Variants in ZDHHC17 observed in about 807,000 individuals in gnomAD.
The protein encoded by ZDHHC17 is palmitoyltransferase ZDHHC17.
In ZDHHC17, 40 loss-of-function variants were observed where a neutral mutation model predicts 90.3. The observed-to-expected ratio is 0.44, with a 90% CI of 0.34 to 0.58. The LOEUF is 0.58. ZDHHC17 is among the 20% of genes least tolerant of loss of function. ZDHHC17 has a pLI of 0.01. For synonymous variants in ZDHHC17, 235 were observed against 252.4 expected, an observed-to-expected ratio of 0.93 and a Z score of 0.65; for missense variants, 614 against 780.8, an observed-to-expected ratio of 0.79 and a Z score of 2.55.
At chr12:76,843,682 A>C (rs916431085) in intron 12 of ZDHHC17, among the ~76,000 whole-genome samples, 10 of 152,120 alleles carry the variant, frequency 6.6e-5, no homozygotes, top group Non-Finnish European at 1.5e-5. Flanking sequence ...AAAAATATAT[A>C]TACTGCCACA....
At chr12:76,797,953 A>G (rs1021566702) in intron 2 of ZDHHC17, among the ~76,000 whole-genome samples, 8 of 151,570 alleles carry the variant, frequency 5.3e-5, no homozygotes, top group Admixed American at 1.3e-4. Context: ...ACACACACAC[A>G]CACACACACA....
At chr12:76,822,689 G>A (rs1953180280) in intron 8 of ZDHHC17, among the ~76,000 whole-genome samples, 158 bp downstream of exon 8, 1 of 151,376 alleles carries the variant, frequency 6.6e-6, no homozygotes, top group South Asian at 2.1e-4. Flanking sequence ...TGAGTAGCTG[G>A]GATTACAGGT....
intron 1 of ZDHHC17, among the ~76,000 whole-genome samples, chr12:76,766,172 C>T (rs12369907): frequency 0.011 from 1,699 of 152,254 alleles, 11 homozygotes; most frequent in Non-Finnish European, 0.017. Flanking sequence ...GGTTGCCATT[C>T]GATAGATAGG....
chr12:76,807,886 C>T (rs1952973800), intron 3 of ZDHHC17, among the ~76,000 whole-genome samples: 2 of 152,124 alleles, frequency 1.3e-5, no homozygotes, highest in Non-Finnish European at 2.9e-5. Context: ...CCTACCCATT[C>T]TCAAAGAACA....
Position 76,842,042 on chromosome 12 carries a change from A to G in ZDHHC17, c.1202A>G (p.Asn401Ser). 1.2e-6 allele frequency: 2 copies of G among 1,603,238 alleles called. No homozygotes were observed. The highest frequency in any genetic ancestry group is 1.7e-6 in the Non-Finnish European group (2 of 1,175,294). Residue 401 changes from asparagine (N) to serine (S), a missense_variant, in exon 11 of 17, where the codon AAT becomes AGT. Transcript: ENST00000426126. Reference protein sequence around the residue: ...FLANSVALFYNFGKSWKSDPG... With the variant: ...FLANSVALFYSFGKSWKSDPG... ...GCCAATAGTGTTGCACTTTTCTACAATTTTGGAAAATCTTGGAAATCAGAT... is the reference window on the plus strand; with the variant it reads ...GCCAATAGTGTTGCACTTTTCTACAGTTTTGGAAAATCTTGGAAATCAGAT...
intron 12 of ZDHHC17, among the ~76,000 whole-genome samples, chr12:76,843,275 G>A (rs540963515): frequency 1.3e-5 from 2 of 152,042 alleles, no homozygotes; most frequent in African/African-American, 4.8e-5. Flanking sequence ...AAGTATTTCA[G>A]ATCAAAGATT....
intron 12 of ZDHHC17, 45 bp from the exon 13 acceptor site, chr12:76,845,664 C>A: frequency 1.2e-6 from 1 of 864,484 alleles, no homozygotes; most frequent in South Asian, 2.1e-5. Flanking sequence ...GCTTTTCTCT[C>A]TTAGTATAAT....
At chr12:76,782,270 A>G (rs1460004607) in intron 1 of ZDHHC17, among the ~76,000 whole-genome samples, 1 of 152,228 alleles carries the variant, frequency 6.6e-6, no homozygotes, top group Non-Finnish European at 1.5e-5. Flanking sequence ...GCTGGGTTGC[A>G]GAAAATAGTT....
chr12:76,793,648 A>G (rs1358777696), intron 1 of ZDHHC17, among the ~76,000 whole-genome samples: 1 of 152,158 alleles, frequency 6.6e-6, no homozygotes, highest in Non-Finnish European at 1.5e-5. Flanking sequence ...TCTGTACCCT[A>G]TAGTAGTTAA....
intron 2 of ZDHHC17, among the ~76,000 whole-genome samples, chr12:76,798,470 G>T (rs747380443): frequency 1.1e-4 from 17 of 151,886 alleles, no homozygotes; most frequent in Non-Finnish European, 1.8e-4. Context: ...TAAAACTTTG[G>T]GAGGCCAATG....
intron 1 of ZDHHC17, among the ~76,000 whole-genome samples, chr12:76,771,212 T>C (rs1952488246): frequency 6.6e-6 from 1 of 152,190 alleles, no homozygotes; most frequent in Non-Finnish European, 1.5e-5. Flanking sequence ...TAGGATAAAA[T>C]ATCTTCTTTT....
chr12:76,839,063 A>G (rs922381729), intron 10 of ZDHHC17, among the ~76,000 whole-genome samples: 1 of 152,122 alleles, frequency 6.6e-6, no homozygotes, highest in Non-Finnish European at 1.5e-5. Context: ...AGAGGAAGAA[A>G]TCTCTCATTC....
Position 76,801,570 on chromosome 12 carries a change from C to T in ZDHHC17, c.198-3747C>T, listed in dbSNP as rs556802740. Reference sequence around the variant, plus strand: ...TCGGGAGGCTGAAGCAGGAGAATGGCGTGAACCTGGGAGGCGGAGCTTGCA... The same window carrying T: ...TCGGGAGGCTGAAGCAGGAGAATGGTGTGAACCTGGGAGGCGGAGCTTGCA... On this transcript the variant is annotated intron_variant, in intron 2 of 16. Transcript: ENST00000426126. 8.5e-5 allele frequency among the ~76,000 whole-genome samples: 13 copies of T among 152,064 alleles called. No homozygotes were observed. The East Asian group carries it at 1.6e-3, about 18-fold the overall frequency.
At chr12:76,786,118 CTTTCT>C (rs1224252770) in intron 1 of ZDHHC17, among the ~76,000 whole-genome samples, 7 of 131,818 alleles carry the variant, frequency 5.3e-5, no homozygotes, top group African/African-American at 1.5e-4. Context: ...TCTTTTCTTT[CTTTCT>C]TTTTTTTTTT....
intron 1 of ZDHHC17, chr12:76,764,714 G>T: frequency 2.1e-6 from 1 of 483,588 alleles, no homozygotes; most frequent in East Asian, 6.0e-5. Flanking sequence ...GTCTGGTTTT[G>T]ATTTCTTTTT....
At chr12:76,799,145 CA>C (rs1195656941) in intron 2 of ZDHHC17, among the ~76,000 whole-genome samples, 1 of 151,984 alleles carries the variant, frequency 6.6e-6, no homozygotes, top group African/African-American at 2.4e-5. Context: ...TCAAAAAAAA[CA>C]AGCAAAAAAA....
At chr12:76,814,876 G>C (rs1373226841) in intron 5 of ZDHHC17, among the ~76,000 whole-genome samples, 1 of 151,932 alleles carries the variant, frequency 6.6e-6, no homozygotes. Context: ...TGAAAGGTCA[G>C]AATAGGTTAA....
intron 10 of ZDHHC17, among the ~76,000 whole-genome samples, chr12:76,836,068 A>G (rs753143207): frequency 6.6e-6 from 1 of 151,814 alleles, no homozygotes; most frequent in Non-Finnish European, 1.5e-5. Flanking sequence ...ATTTTTCTCT[A>G]CATTGCTGGA....
At chr12:76,847,318 T>G (rs1399627928) in intron 14 of ZDHHC17, among the ~76,000 whole-genome samples, 1 of 152,210 alleles carries the variant, frequency 6.6e-6, no homozygotes, top group East Asian at 1.9e-4. Context: ...GATCCTCGTT[T>G]AAATACAAGT....
Sources: gnomAD v4.1 joint callset for allele counts (sites outside exome capture counted in the v4.1 genomes callset) on GRCh38, gnomAD v4.1.1 for gene constraint, MANE v1.5 for transcripts, NCBI Gene and HGNC (gene_info 2026-07-23, HGNC 2026-07-21) for gene names.